Variants in SMARCB1 observed in about 807,000 individuals in gnomAD.
The protein encoded by SMARCB1 is SWI/SNF related BAF chromatin remodeling complex subunit B1.
Under a neutral mutation model 49.0 loss-of-function variants are expected in SMARCB1, and 5 were observed. The ratio of observed to expected loss-of-function variants is 0.10; its 90% CI spans 0.05 to 0.21. SMARCB1 has a LOEUF of 0.21. SMARCB1 is among the 10% of genes least tolerant of loss of function. The pLI, the probability that SMARCB1 is intolerant of heterozygous loss-of-function variation, is 1.00. For missense variants in SMARCB1, 226 were observed against 509.2 expected (o/e 0.44, Z 5.35); for synonymous variants, 201 against 200.1 (o/e 1.00, Z -0.04).
intron 7 of SMARCB1, chr22:23,825,830 A>C: frequency 5.3e-6 from 1 of 187,084 alleles, no homozygotes; most frequent in Non-Finnish European, 1.1e-5. Flanking sequence ...CTTAAACACA[A>C]AGGCCCGCCC....
In SMARCB1 at chr22:23,821,327, G is replaced by A. The variant is rs570489727; in HGVS notation, c.796-3898G>A. 1.1e-3 allele frequency among the ~76,000 whole-genome samples: 171 copies of A among 151,890 alleles called. 1 individual carries two copies. The highest frequency in any genetic ancestry group is 3.9e-3 in the African/African-American group (162 of 41,208). On this transcript the variant is annotated intron_variant, in intron 6 of 8. Transcript: ENST00000644036. ...GGCCTCCTGGGCACCGTGACCCTGG[G>A]AACAGTGTCCTGTCTTGCCCATGAG... is the stretch of plus-strand genomic sequence containing the variant.
chr22:23,794,723 A>G (rs1010105796), intron 3 of SMARCB1, among the ~76,000 whole-genome samples: 3 of 152,054 alleles, frequency 2.0e-5, no homozygotes, highest in Admixed American at 6.5e-5. Flanking sequence ...ACATGGAGAA[A>G]CCCCATCTCT....
chr22:23,799,279 G>T (rs905222970), intron 3 of SMARCB1, among the ~76,000 whole-genome samples: 4 of 150,944 alleles, frequency 2.6e-5, no homozygotes, highest in African/African-American at 4.9e-5. Flanking sequence ...ACAGCTTTTG[G>T]TATTTTTTTT....
At chr22:23,793,722 C>T (rs777337668) in intron 3 of SMARCB1, 34 bp downstream of exon 3, 4 of 1,609,986 alleles carry the variant, frequency 2.5e-6, no homozygotes, top group Non-Finnish European at 3.4e-6. Context: ...TCTCTGGGGA[C>T]ACCTGTGGGG....
intron 3 of SMARCB1, among the ~76,000 whole-genome samples, chr22:23,800,030 T>C (rs1351357881): frequency 6.6e-6 from 1 of 152,076 alleles, no homozygotes; most frequent in African/African-American, 2.4e-5. Flanking sequence ...GGTTTCACCA[T>C]GTTGGCCAGG....
In SMARCB1 at chr22:23,787,196, C is replaced by T. The variant is rs776259216; in HGVS notation, c.27C>T (p.Thr9=). Residue 9 remains threonine (T), a synonymous_variant, in exon 1 of 9, where the codon ACC becomes ACT. Coordinates refer to ENST00000644036, the MANE Select transcript of SMARCB1 (RefSeq NM_003073.5). ...TGATGATGATGGCGCTGAGCAAGAC[C>T]TTCGGGCAGAAGCCCGTGAAGTTCC... MMMMALSK[T]FGQKPVKFQL... is the part of the protein sequence containing the mutation. The T allele has an allele frequency of 8.7e-6, 14 of 1,608,746 alleles. No homozygotes were observed. Among genetic ancestry groups the T allele is most frequent in the African/African-American group, 2.7e-5 (2 of 74,404 alleles).
chr22:23,807,746 A>G (rs1929582935), intron 5 of SMARCB1, among the ~76,000 whole-genome samples: 1 of 151,722 alleles, frequency 6.6e-6, no homozygotes, highest in Admixed American at 6.6e-5. Flanking sequence ...AAAAAGGACA[A>G]CTTACCTGTA....
intron 2 of SMARCB1, chr22:23,793,214 G>A: frequency 2.6e-6 from 1 of 380,734 alleles, no homozygotes. Context: ...TTTCCCCTGA[G>A]TGAGGACCAA....
At chr22:23,793,501 TG>T in intron 2 of SMARCB1, 57 bp from the exon 3 acceptor site, 1 of 1,603,622 alleles carries the variant, frequency 6.2e-7, no homozygotes, top group Non-Finnish European at 8.5e-7. Context: ...TCCACTTGGC[TG>T]GCTGCTGTGT....
rs935513512 is a variant in SMARCB1 at position 23,787,052 on chromosome 22, G to T, written c.-118G>T. ...AGCCCGGCTGAGGCGCCAGTACCCGGCCCGGTCCGCATTTCGCCTTCCGGC... is the reference window on the plus strand; with the variant it reads ...AGCCCGGCTGAGGCGCCAGTACCCGTCCCGGTCCGCATTTCGCCTTCCGGC... On this transcript the variant is annotated 5_prime_UTR_variant, in exon 1 of 9. Transcript: ENST00000644036. 2 of 682,324 alleles carry T rather than the reference G, an allele frequency of 2.9e-6. No individual in the cohort carries two copies. 42.3% of individuals were successfully genotyped at this position (682,324 alleles called of 1,614,324 possible). A position where few individuals can be genotyped will look rare whatever the true frequency, so the allele number is the denominator to read the frequency against.
At chr22:23,807,180 C>G (rs1340296457) in intron 5 of SMARCB1, among the ~76,000 whole-genome samples, 4 of 152,126 alleles carry the variant, frequency 2.6e-5, no homozygotes, top group Non-Finnish European at 4.4e-5. Flanking sequence ...GGGATCCCCT[C>G]AGGAAGAGTT....
intron 1 of SMARCB1, among the ~76,000 whole-genome samples, 157 bp downstream of exon 1, chr22:23,787,419 G>A (rs928056212): frequency 6.6e-6 from 1 of 151,904 alleles, no homozygotes; most frequent in South Asian, 2.1e-4. Flanking sequence ...GGCGTGTCGG[G>A]TGTGGCCCCC....
intron 6 of SMARCB1, among the ~76,000 whole-genome samples, chr22:23,822,412 GTCT>G (rs756407574): frequency 1.3e-5 from 2 of 152,176 alleles, no homozygotes; most frequent in Non-Finnish European, 2.9e-5. Context: ...TCCTGGCCCC[GTCT>G]TAGCTCTGTG....
chr22:23,837,011 G>GT lies in SMARCB1; in HGVS notation c.*2831_*2832insT. ...GCACAGGCCAGCACAGGTCCCCATC[G>GT]GTGGGGATCCTTCTGAGGGTGGGGA... On this transcript the variant is annotated 3_prime_UTR_variant, in exon 9 of 9. Coordinates refer to ENST00000644036, the MANE Select transcript of SMARCB1 (RefSeq NM_003073.5). 3 of 1,612,170 alleles carry GT rather than the reference G, an allele frequency of 1.9e-6. No homozygotes were observed. Among genetic ancestry groups the GT allele is most frequent in the Non-Finnish European group, 2.5e-6 (3 of 1,179,086 alleles).
At chr22:23,813,321 TTGGA>T (rs1929992115) in intron 5 of SMARCB1, among the ~76,000 whole-genome samples, 2 of 152,126 alleles carry the variant, frequency 1.3e-5, no homozygotes, top group Non-Finnish European at 2.9e-5. Context: ...GACGTGTAGA[TTGGA>T]AAGGAAGAAA....
chr22:23,795,859 C>T lies in SMARCB1; in HGVS notation c.362+2171C>T, dbSNP rs145148909. On this transcript the variant is annotated intron_variant, in intron 3 of 8. Coordinates refer to ENST00000644036, the MANE Select transcript of SMARCB1 (RefSeq NM_003073.5). ...AGGCTGGAGTACGGTGGCATGATGT[C>T]GGCTCACTGCAACCTCCGCCTCCTG... 7.7e-3 allele frequency among the ~76,000 whole-genome samples: 1,077 copies of T among 140,076 alleles called. 8 individuals carry two copies. The highest frequency in any genetic ancestry group is 0.025 in the Middle Eastern group (6 of 238). 91.9% of individuals were successfully genotyped at this position (140,076 alleles called of 152,430 possible).
chr22:23,813,849 A>T (rs1930024020), intron 5 of SMARCB1, among the ~76,000 whole-genome samples: 2 of 151,344 alleles, frequency 1.3e-5, no homozygotes, highest in Admixed American at 6.6e-5. Context: ...TTTTTTTTTG[A>T]GATGGAGTTT....
Position 23,837,414 on chromosome 22 carries a change from C to G in SMARCB1, c.*3234C>G, listed in dbSNP as rs1385337557. 6.2e-6 allele frequency: 4 copies of G among 644,624 alleles called. No individual in the cohort carries two copies. Among genetic ancestry groups the G allele is most frequent in the Non-Finnish European group, 1.1e-5 (4 of 377,350 alleles). The allele number at this position is 644,624 out of a possible 1,614,324, so 39.9% of individuals were successfully genotyped here. ...GAGCCATGGGGCAGGAACCCTGACC[C>G]TCCCATCCTCACTCCCATCAGGACC... On this transcript the variant is annotated 3_prime_UTR_variant, in exon 9 of 9. Transcript: ENST00000644036.
intron 5 of SMARCB1, chr22:23,804,309 G>T (rs533654260): frequency 1.4e-4 from 21 of 151,612 alleles, no homozygotes; most frequent in Non-Finnish European, 2.7e-4. Context: ...GGCTCAAGCA[G>T]TCCTCCTGCC....
Sources: allele counts gnomAD v4.1 joint callset (sites outside exome capture counted in the v4.1 genomes callset), GRCh38; gene constraint gnomAD v4.1.1; transcripts MANE v1.5; gene names NCBI Gene and HGNC (gene_info 2026-07-23, HGNC 2026-07-21).